MGAT4A: variants seen among roughly 807,000 people sequenced by gnomAD.
The protein encoded by MGAT4A is alpha-1,3-mannosyl-glycoprotein 4-beta-N-acetylglucosaminyltransferase A.
Under a neutral mutation model 74.1 loss-of-function variants are expected in MGAT4A, and 33 were observed. The observed-to-expected ratio is 0.45, with a 90% CI of 0.34 to 0.60. MGAT4A has a LOEUF of 0.60. MGAT4A is among the 20% of genes least tolerant of loss of function. The pLI is 0.02. For missense variants in MGAT4A, 479 were observed against 628.3 expected, an observed-to-expected ratio of 0.76 and a Z score of 2.54; for synonymous variants, 198 against 210.4, an observed-to-expected ratio of 0.94 and a Z score of 0.51.
chr2:98,713,995 TTTAC>T (rs1381649437), intron 2 of MGAT4A, among the ~76,000 whole-genome samples: 2 of 152,178 alleles, frequency 1.3e-5, no homozygotes, highest in East Asian at 3.8e-4. Context: ...CCCTAGTAAA[TTTAC>T]TTTTCATTTG....
intron 12 of MGAT4A, 66 bp downstream of exon 12, chr2:98,639,742 T>C (rs920295908): frequency 4.9e-6 from 7 of 1,426,780 alleles, no homozygotes; most frequent in Non-Finnish European, 6.7e-6. Flanking sequence ...CAAAAATCTA[T>C]TATAAATCAC....
intron 4 of MGAT4A, among the ~76,000 whole-genome samples, chr2:98,674,731 C>T (rs1159765870): frequency 1.3e-5 from 2 of 152,152 alleles, no homozygotes; most frequent in Non-Finnish European, 2.9e-5. Context: ...AAATAAGATA[C>T]AAGGCAAGTC....
chr2:98,713,135 G>A (rs1008181878), intron 2 of MGAT4A, among the ~76,000 whole-genome samples: 1 of 134,386 alleles, frequency 7.4e-6, no homozygotes, highest in African/African-American at 2.8e-5. Context: ...GCAGTGGGCC[G>A]AGATCACACC....
rs148769951 is a variant in MGAT4A at position 98,667,750 on chromosome 2, G to A, written c.404-4571C>T. On this transcript the variant is annotated intron_variant, in intron 4 of 15. Coordinates refer to ENST00000393487, the MANE Select transcript of MGAT4A (RefSeq NM_012214.3). ...TGTTGTTGTTTTGAGACAGAGTTTC[G>A]ATCTTGTGGCCCAGGCTGGAGTGCA... Among the ~76,000 whole-genome samples, 1,034 of 151,534 alleles carry A rather than the reference G, an allele frequency of 6.8e-3. 45 individuals carry two copies. The highest frequency in any genetic ancestry group is 0.053 in the Admixed American group (807 of 15,210).
At chr2:98,679,449 C>T (rs1226840922) in intron 2 of MGAT4A, among the ~76,000 whole-genome samples, 4 of 132,480 alleles carry the variant, frequency 3.0e-5, no homozygotes, top group Admixed American at 7.9e-5. Context: ...CTAGGCAACA[C>T]AGTAAGACCC....
chr2:98,669,359 T>C lies in MGAT4A; in HGVS notation c.403+5676A>G, dbSNP rs149082798. On this transcript the variant is annotated intron_variant, in intron 4 of 15. Coordinates refer to ENST00000393487, the MANE Select transcript of MGAT4A (RefSeq NM_012214.3). ...TCCCTTGCACAAGCTTGCTCTCTCT[T>C]TGCCTGCTGCCATCCACGTAAGATG... is the stretch of plus-strand genomic sequence containing the variant. 1.4e-3 allele frequency among the ~76,000 whole-genome samples: 210 copies of C among 150,528 alleles called. 1 individual carries two copies. Among genetic ancestry groups the C allele is most frequent in the Middle Eastern group, 6.8e-3 (2 of 294 alleles).
At position 98,680,759 on chromosome 2, in the gene MGAT4A, G is replaced by A. The variant is rs147688233; in HGVS notation, c.95-2288C>T. Among the ~76,000 whole-genome samples, 275 of 152,208 alleles carry A rather than the reference G, an allele frequency of 1.8e-3. 15 individuals are homozygous for A. In the East Asian group the frequency reaches 0.049, roughly 27 times the overall value. On this transcript the variant is annotated intron_variant, in intron 2 of 15. Coordinates refer to ENST00000393487, the MANE Select transcript of MGAT4A (RefSeq NM_012214.3). ...TGTAAATTCACAATATAAGAAATGT[G>A]AAAGAGATACTATTCCTAAACACAA...
Position 98,696,433 on chromosome 2 carries a change from T to C in MGAT4A, c.95-17962A>G, listed in dbSNP as rs141176001. ...CACTCTTCATTTGCTGCTGTCTAAG[T>C]TGACGTCTCTTCCCAATACAAATTC... On this transcript the variant is annotated intron_variant, in intron 2 of 15. Coordinates refer to ENST00000393487, the MANE Select transcript of MGAT4A (RefSeq NM_012214.3). 7.5e-3 allele frequency among the ~76,000 whole-genome samples: 1,143 copies of C among 152,348 alleles called. 5 individuals carry two copies. The highest frequency in any genetic ancestry group is 0.012 in the Non-Finnish European group (839 of 68,026).
At position 98,621,262 on chromosome 2, in the gene MGAT4A, T is replaced by C. The variant is rs1302086149; in HGVS notation, c.*4304A>G. The C allele has an allele frequency of 1.8e-6, 2 of 1,086,088 alleles. No individual in the cohort carries two copies. Among genetic ancestry groups the C allele is most frequent in the East Asian group, 2.8e-5 (1 of 35,716 alleles). The allele number at this position is 1,086,088 out of a possible 1,614,324, so 67.3% of individuals were successfully genotyped here. ...TCAAAGTGTTGGCCAGGCTGGGTCT[T>C]ATCTGGAGACTGGAGATGAATGCCT... On this transcript the variant is annotated 3_prime_UTR_variant, in exon 16 of 16. Coordinates refer to ENST00000393487, the MANE Select transcript of MGAT4A (RefSeq NM_012214.3).
In MGAT4A at chr2:98,640,235, A is replaced by G; in HGVS notation, c.1021-7T>C. The G allele has an allele frequency of 1.9e-6, 3 of 1,600,246 alleles. No homozygotes were observed. The highest frequency in any genetic ancestry group is 1.7e-5 in the Admixed American group (1 of 57,922). On this transcript the variant is annotated splice_region_variant and splice_polypyrimidine_tract_variant and intron_variant, in intron 10 of 15. Coordinates refer to ENST00000393487, the MANE Select transcript of MGAT4A (RefSeq NM_012214.3). ...TCTGTCTATCACAATGTTTCTAAATATTAAAAAAAATCACGTTAGTGTTGC... is the reference window on the plus strand; with the variant it reads ...TCTGTCTATCACAATGTTTCTAAATGTTAAAAAAAATCACGTTAGTGTTGC...
chr2:98,714,184 T>A (rs896048299), intron 2 of MGAT4A, among the ~76,000 whole-genome samples: 11 of 151,982 alleles, frequency 7.2e-5, no homozygotes, highest in Non-Finnish European at 1.3e-4. Flanking sequence ...GCCTCCCGGG[T>A]TCAAGCTATT....
chr2:98,636,461 G>A, intron 13 of MGAT4A, 56 bp downstream of exon 13: 8 of 1,298,804 alleles, frequency 6.2e-6, no homozygotes, highest in Non-Finnish European at 8.9e-6. Flanking sequence ...AAAGCTTCAA[G>A]CTAAGTCTAC....
chr2:98,720,832 T>C (rs1408066186), intron 2 of MGAT4A, among the ~76,000 whole-genome samples: 1 of 152,154 alleles, frequency 6.6e-6, no homozygotes, highest in African/African-American at 2.4e-5. Flanking sequence ...CCACCACATG[T>C]GTAATGGGAA....
intron 8 of MGAT4A, among the ~76,000 whole-genome samples, chr2:98,650,485 G>A (rs1483555134): frequency 6.6e-6 from 1 of 152,082 alleles, no homozygotes; most frequent in Non-Finnish European, 1.5e-5. Context: ...AAAGCCATAA[G>A]AGGAAAGTGA....
At chr2:98,675,726 A>AT (rs892775584) in intron 3 of MGAT4A, among the ~76,000 whole-genome samples, 15 of 151,276 alleles carry the variant, frequency 9.9e-5, no homozygotes, top group East Asian at 3.9e-4. Flanking sequence ...TAAAAAAAAA[A>AT]TTTTTTTTGT....
chr2:98,621,673 G>T lies in MGAT4A; in HGVS notation c.*3893C>A. 1 of 1,424,688 alleles carries T rather than the reference G, an allele frequency of 7.0e-7. No individual in the cohort carries two copies. The highest frequency in any genetic ancestry group is 9.2e-7 in the Non-Finnish European group (1 of 1,089,976). The allele number at this position is 1,424,688 out of a possible 1,614,324, so 88.3% of individuals were successfully genotyped here. On this transcript the variant is annotated 3_prime_UTR_variant, in exon 16 of 16. Transcript: ENST00000393487. The stretch of plus-strand genomic sequence containing the variant: ...CAGTAGGGGTCATTCTTAGAAATTT[G>T]CCTACCACAAATATACACTGTTATT...
chr2:98,622,795 C>CA lies in MGAT4A; in HGVS notation c.*2770dup. The CA allele has an allele frequency of 3.0e-6, 3 of 985,594 alleles. No homozygotes were observed. The highest frequency in any genetic ancestry group is 3.6e-6 in the Non-Finnish European group (3 of 830,086). The allele number at this position is 985,594 out of a possible 1,614,324, so 61.1% of individuals were successfully genotyped here. On this transcript the variant is annotated 3_prime_UTR_variant, in exon 16 of 16. Transcript: ENST00000393487. ...AGCACACACCATACACACAAACAAT[C>CA]AAAAACTAGACAACCGATTGTGTAT...
Position 98,622,827 on chromosome 2 carries a change from G to T in MGAT4A, c.*2739C>A, listed in dbSNP as rs533779674. The stretch of plus-strand genomic sequence containing the variant: ...TAGACAACCGATTGTGTATGCAAGA[G>T]TATGGCAACGACAGCAGGGAGAGGG... On this transcript the variant is annotated 3_prime_UTR_variant, in exon 16 of 16. Coordinates refer to ENST00000393487, the MANE Select transcript of MGAT4A (RefSeq NM_012214.3). The T allele has an allele frequency of 2.1e-5, 21 of 985,634 alleles. No individual in the cohort carries two copies. The African/African-American group carries it at 3.5e-4, about 16-fold the overall frequency. The allele number at this position is 985,634 out of a possible 1,614,324, so 61.1% of individuals were successfully genotyped here.
At position 98,624,423 on chromosome 2, in the gene MGAT4A, T is replaced by C; in HGVS notation, c.*1143A>G. The C allele has an allele frequency of 1.0e-6, 1 of 963,976 alleles. No individual in the cohort carries two copies. 59.7% of individuals were successfully genotyped at this position (963,976 alleles called of 1,614,324 possible). A position where few individuals can be genotyped will look rare whatever the true frequency, so the allele number is the denominator to read the frequency against. On this transcript the variant is annotated 3_prime_UTR_variant, in exon 16 of 16. Transcript: ENST00000393487. ...TTTGGAATAGCGTGTTTAAGAGTAA[T>C]AAATACAGTCTCTTGGACACGGGAC... is the stretch of plus-strand genomic sequence containing the variant.
Sources: allele counts gnomAD v4.1 joint callset (sites outside exome capture counted in the v4.1 genomes callset), GRCh38; gene constraint gnomAD v4.1.1; transcripts MANE v1.5; gene names NCBI Gene and HGNC (gene_info 2026-07-23, HGNC 2026-07-21).